Variants in RABL3 observed in about 807,000 individuals in gnomAD.
The protein encoded by RABL3 is RAB, member of RAS oncogene family like 3.
In RABL3, 31 loss-of-function variants were observed where a neutral mutation model predicts 31.8. The ratio of observed to expected loss-of-function variants is 0.97; its 90% CI spans 0.73 to 1.31. The LOEUF is 1.31. Among genes scored for constraint, RABL3 ranks in the 40% most tolerant of loss-of-function variants. RABL3 has a pLI of 0.00. For synonymous variants in RABL3, 97 were observed against 99.9 expected (o/e 0.97, Z 0.18); for missense variants, 263 against 279.6 (o/e 0.94, Z 0.42).
chr3:120,722,003 G>A (rs892326175), intron 2 of RABL3: 2 of 151,670 alleles, frequency 1.3e-5, no homozygotes, highest in African/African-American at 4.8e-5. Flanking sequence ...GCAATCAAAC[G>A]AGAACTCAGG....
chr3:120,702,560 CTTTT>C (rs977105954), intron 4 of RABL3, among the ~76,000 whole-genome samples: 2 of 140,952 alleles, frequency 1.4e-5, no homozygotes, highest in South Asian at 2.3e-4. Flanking sequence ...GGAAATTTTT[CTTTT>C]TTTTTTTTTT....
At position 120,694,555 on chromosome 3, in the gene RABL3, C is replaced by T. The variant is rs183812926; in HGVS notation, c.535-331G>A. Among the ~76,000 whole-genome samples, 31 of 151,976 alleles carry T rather than the reference C, an allele frequency of 2.0e-4. 1 individual carries two copies. Among genetic ancestry groups the T allele is most frequent in the African/African-American group, 7.0e-4 (29 of 41,478 alleles). ...ACTGGAGTGACCTACCTACATTTAC[C>T]CCGAAAACCAGAGAGAGAGAGCCAT... On this transcript the variant is annotated intron_variant, in intron 5 of 7. Transcript: ENST00000273375.
chr3:120,723,897 G>C (rs1227743113), intron 2 of RABL3, among the ~76,000 whole-genome samples: 2 of 151,992 alleles, frequency 1.3e-5, no homozygotes. Context: ...ACAAGACAGG[G>C]ATGCCCTCTC....
intron 4 of RABL3, among the ~76,000 whole-genome samples, chr3:120,705,794 A>G (rs1708541212): frequency 1.3e-5 from 2 of 152,224 alleles, no homozygotes; most frequent in African/African-American, 4.8e-5. Context: ...TGATATCAAA[A>G]GCACAATCCA....
intron 1 of RABL3, among the ~76,000 whole-genome samples, chr3:120,736,571 C>T (rs918002790): frequency 2.6e-5 from 4 of 152,194 alleles, no homozygotes; most frequent in Non-Finnish European, 5.9e-5. Context: ...TTGATCCTGT[C>T]ATCATGATGT....
At chr3:120,740,681 A>T (rs1160403151) in intron 1 of RABL3, among the ~76,000 whole-genome samples, 1 of 152,234 alleles carries the variant, frequency 6.6e-6, no homozygotes. Context: ...GTGCATTCTA[A>T]ACTGTCAGAC....
chr3:120,688,285 G>T lies in RABL3; in HGVS notation c.*1538C>A, dbSNP rs928671878. On this transcript the variant is annotated 3_prime_UTR_variant, in exon 8 of 8. Coordinates refer to ENST00000273375, the MANE Select transcript of RABL3 (RefSeq NM_173825.5). Reference sequence around the variant, plus strand: ...GTACAGCCTATGCAACAACATACTTGTGACCAATTCTACATACAGATCATG... The same window carrying T: ...GTACAGCCTATGCAACAACATACTTTTGACCAATTCTACATACAGATCATG... 10 of 152,532 alleles carry T rather than the reference G, an allele frequency of 6.6e-5. No homozygotes were observed. Among genetic ancestry groups the T allele is most frequent in the African/African-American group, 2.4e-4 (10 of 41,402 alleles). The allele number at this position is 152,532 out of a possible 1,614,324, so 9.4% of individuals were successfully genotyped here.
intron 1 of RABL3, among the ~76,000 whole-genome samples, chr3:120,735,056 C>G (rs899118893): frequency 1.3e-5 from 2 of 152,148 alleles, no homozygotes; most frequent in African/African-American, 2.4e-5. Flanking sequence ...ATGCTGGCCT[C>G]GTAAAATGAG....
At chr3:120,721,456 A>T (rs1708740159) in intron 2 of RABL3, among the ~76,000 whole-genome samples, 1 of 152,222 alleles carries the variant, frequency 6.6e-6, no homozygotes, top group Non-Finnish European at 1.5e-5. Context: ...AGACACACAT[A>T]GGCTCAAAAT....
chr3:120,735,732 C>T (rs1708952424), intron 1 of RABL3, among the ~76,000 whole-genome samples: 1 of 152,174 alleles, frequency 6.6e-6, no homozygotes, highest in African/African-American at 2.4e-5. Flanking sequence ...CCCAGAGATT[C>T]TGGTATGCTG....
chr3:120,739,739 T>C (rs566682381), intron 1 of RABL3, among the ~76,000 whole-genome samples: 5 of 152,194 alleles, frequency 3.3e-5, no homozygotes, highest in Admixed American at 6.5e-5. Context: ...TTTTAGGATG[T>C]ATTGTTGATT....
intron 2 of RABL3, among the ~76,000 whole-genome samples, chr3:120,722,930 CAAGAAATAA>C (rs201180949): frequency 0.25 from 38,414 of 151,354 alleles, 5,298 homozygotes; most frequent in Non-Finnish European, 0.32. Flanking sequence ...TAGCAGAAGG[CAAGAAATAA>C]CTAAGATCAG....
At chr3:120,728,319 G>C (rs1708845920) in intron 2 of RABL3, among the ~76,000 whole-genome samples, 1 of 152,134 alleles carries the variant, frequency 6.6e-6, no homozygotes, top group African/African-American at 2.4e-5. Flanking sequence ...ATTGACCTCT[G>C]TTTTCCAGAT....
intron 4 of RABL3, among the ~76,000 whole-genome samples, chr3:120,702,686 T>C (rs947444775): frequency 3.3e-5 from 5 of 151,638 alleles, no homozygotes; most frequent in Admixed American, 2.6e-4. Context: ...GCCTCCCAAG[T>C]AGCTGGGACT....
intron 4 of RABL3, among the ~76,000 whole-genome samples, chr3:120,705,031 A>G (rs918737032): frequency 2.7e-5 from 4 of 148,848 alleles, no homozygotes; most frequent in African/African-American, 1.0e-4. Flanking sequence ...TCTCAAAACA[A>G]AACAAAACAA....
chr3:120,730,069 A>C lies in RABL3; in HGVS notation c.138+627T>G, dbSNP rs372349932. On this transcript the variant is annotated intron_variant, in intron 2 of 7. Coordinates refer to ENST00000273375, the MANE Select transcript of RABL3 (RefSeq NM_173825.5). ...AAGATTTCTAATCAGCAGCAATGTAAATCAGAGCTATGGAACAATAGCTTC... is the reference window on the plus strand; with the variant it reads ...AAGATTTCTAATCAGCAGCAATGTACATCAGAGCTATGGAACAATAGCTTC... Among the ~76,000 whole-genome samples, 12 of 152,322 alleles carry C rather than the reference A, an allele frequency of 7.9e-5. No individual in the cohort carries two copies. In the East Asian group the frequency reaches 2.1e-3, roughly 27 times the overall value.
intron 2 of RABL3, among the ~76,000 whole-genome samples, chr3:120,715,205 A>G (rs1172753306): frequency 2.0e-5 from 3 of 152,162 alleles, no homozygotes; most frequent in Admixed American, 6.5e-5. Context: ...CTTGTTTTCT[A>G]TATCAGTGCT....
chr3:120,711,741 T>C (rs966847407), intron 2 of RABL3, among the ~76,000 whole-genome samples: 2 of 152,182 alleles, frequency 1.3e-5, no homozygotes, highest in Non-Finnish European at 2.9e-5. Flanking sequence ...TTTCCAAGAA[T>C]TAATTTTTTT....
chr3:120,723,687 A>ATGACAAAAATCACATG (rs1440733486), intron 2 of RABL3, among the ~76,000 whole-genome samples: 1 of 152,254 alleles, frequency 6.6e-6, no homozygotes, highest in Non-Finnish European at 1.5e-5. Flanking sequence ...AACAGAACCA[A>ATGACAAAAATCACATG]TGACAAAAAT....
Sources: allele counts gnomAD v4.1 joint callset (sites outside exome capture counted in the v4.1 genomes callset), GRCh38; gene constraint gnomAD v4.1.1; transcripts MANE v1.5; gene names NCBI Gene and HGNC (gene_info 2026-07-23, HGNC 2026-07-21).